CFAP299: variants seen among roughly 807,000 people sequenced by gnomAD.
CFAP299 encodes cilia and flagella associated protein 299, also known as cilia- and flagella-associated protein 299.
In CFAP299, 21 loss-of-function variants were observed where a neutral mutation model predicts 27.0. That is an observed-to-expected ratio of 0.78 (90% CI 0.55 to 1.12). CFAP299 has a LOEUF of 1.12. CFAP299 is among the 50% of genes most tolerant of loss of function. CFAP299 has a pLI of 0.00. For missense variants in CFAP299, 310 were observed against 276.6 expected, an observed-to-expected ratio of 1.12 and a Z score of -0.86; for synonymous variants, 104 against 98.1, an observed-to-expected ratio of 1.06 and a Z score of -0.36.
chr4:80,457,498 A>G (rs1353959945), intron 2 of CFAP299, among the ~76,000 whole-genome samples: 1 of 152,158 alleles, frequency 6.6e-6, no homozygotes, highest in East Asian at 1.9e-4. Context: ...TTCATCTGTG[A>G]CTTTTAGAAG....
intron 3 of CFAP299, among the ~76,000 whole-genome samples, chr4:80,730,246 CTCTGTG>C (rs1209346520): frequency 6.8e-4 from 92 of 134,838 alleles, no homozygotes; most frequent in African/African-American, 2.4e-3. Context: ...CTCTCTCTCT[CTCTGTG>C]TGTGTGTGTG....
At chr4:80,748,547 A>G (rs1382937586) in intron 3 of CFAP299, among the ~76,000 whole-genome samples, 1 of 152,090 alleles carries the variant, frequency 6.6e-6, no homozygotes, top group Non-Finnish European at 1.5e-5. Context: ...TATGTTTTTG[A>G]CACATAATAC....
At chr4:80,738,468 TTAACA>T (rs899832563) in intron 3 of CFAP299, among the ~76,000 whole-genome samples, 22 of 152,212 alleles carry the variant, frequency 1.4e-4, no homozygotes, top group African/African-American at 4.6e-4. Context: ...ACTGAACCCT[TTAACA>T]TTGTATAATG....
At chr4:80,487,228 C>G (rs1422118182) in intron 2 of CFAP299, among the ~76,000 whole-genome samples, 1 of 152,176 alleles carries the variant, frequency 6.6e-6, no homozygotes, top group African/African-American at 2.4e-5. Context: ...CCCCTTAAGT[C>G]TTTGAAATTG....
intron 2 of CFAP299, among the ~76,000 whole-genome samples, chr4:80,430,431 T>C (rs995192948): frequency 6.6e-6 from 1 of 152,244 alleles, no homozygotes; most frequent in Non-Finnish European, 1.5e-5. Context: ...GTTCTCAATT[T>C]CCTTTGCTGG....
intron 3 of CFAP299, among the ~76,000 whole-genome samples, chr4:80,776,175 T>C (rs1389006044): frequency 6.6e-6 from 1 of 152,124 alleles, no homozygotes; most frequent in Non-Finnish European, 1.5e-5. Context: ...GTACAGGTGA[T>C]TAAGAGCAGG....
intron 3 of CFAP299, among the ~76,000 whole-genome samples, chr4:80,855,273 A>G (rs932459691): frequency 6.6e-6 from 1 of 152,172 alleles, no homozygotes; most frequent in Non-Finnish European, 1.5e-5. Context: ...TCATTGATCT[A>G]TATTCATCAC....
intron 2 of CFAP299, among the ~76,000 whole-genome samples, chr4:80,383,963 A>G (rs888519714): frequency 1.1e-4 from 17 of 152,140 alleles, no homozygotes; most frequent in African/African-American, 3.6e-4. Context: ...CTGATGAGAC[A>G]TTCAATATAA....
intron 3 of CFAP299, among the ~76,000 whole-genome samples, chr4:80,848,459 T>C (rs1423815095): frequency 6.6e-6 from 1 of 152,138 alleles, no homozygotes; most frequent in African/African-American, 2.4e-5. Context: ...TTGTAGGCAA[T>C]TGTAACACAG....
At chr4:80,840,834 TAGA>T (rs1371533315) in intron 3 of CFAP299, among the ~76,000 whole-genome samples, 1 of 152,186 alleles carries the variant, frequency 6.6e-6, no homozygotes, top group Non-Finnish European at 1.5e-5. Context: ...TTTAGATTTT[TAGA>T]AGAACCATTC....
At chr4:80,711,500 G>A (rs1056569750) in intron 3 of CFAP299, among the ~76,000 whole-genome samples, 4 of 152,156 alleles carry the variant, frequency 2.6e-5, no homozygotes, top group Non-Finnish European at 4.4e-5. Context: ...AGTATGGGCT[G>A]GAACCTGGAC....
chr4:80,644,581 C>T (rs1247068201), intron 3 of CFAP299, among the ~76,000 whole-genome samples: 5 of 152,186 alleles, frequency 3.3e-5, no homozygotes, highest in African/African-American at 9.6e-5. Flanking sequence ...TTTCTATGTC[C>T]CTGTGGCATT....
chr4:80,866,851 T>C (rs150361342), intron 3 of CFAP299, among the ~76,000 whole-genome samples: 2 of 152,314 alleles, frequency 1.3e-5, no homozygotes, highest in East Asian at 1.9e-4. Flanking sequence ...AGGCTATATA[T>C]AGTAACATAA....
At chr4:80,615,269 C>T (rs941919020) in intron 3 of CFAP299, among the ~76,000 whole-genome samples, 11 of 152,036 alleles carry the variant, frequency 7.2e-5, no homozygotes, top group Admixed American at 1.3e-4. Context: ...ATTTAGAAAT[C>T]GCCGGCTATC....
chr4:80,330,530 C>T, the CFAP299 span, among the ~76,000 whole-genome samples: 1 of 152,104 alleles, frequency 6.6e-6, no homozygotes, highest in African/African-American at 2.4e-5. Context: ...GCACATGAGA[C>T]TCAGTCACAT....
At position 80,939,730 on chromosome 4, in the gene CFAP299, T is replaced by G. The variant is rs561419873; in HGVS notation, c.477-5080T>G. On this transcript the variant is annotated intron_variant, in intron 4 of 5. Coordinates refer to ENST00000358105, the MANE Select transcript of CFAP299 (RefSeq NM_152770.3). ...TCCTTGATTCTTCATATTTTTAAAG[T>G]TTTGTGTTGAAAGAAGCAGTCACAT... Among the ~76,000 whole-genome samples the G allele has an allele frequency of 1.3e-4, 20 of 152,278 alleles. No homozygotes were observed. The East Asian group carries it at 2.5e-3, about 19-fold the overall frequency.
At chr4:80,878,005 A>C (rs1007684750) in intron 4 of CFAP299, among the ~76,000 whole-genome samples, 3 of 152,162 alleles carry the variant, frequency 2.0e-5, no homozygotes, top group Non-Finnish European at 2.9e-5. Context: ...ATCCTCCTAC[A>C]TAACATCACC....
At chr4:80,397,999 C>G (rs1198740230) in intron 2 of CFAP299, among the ~76,000 whole-genome samples, 5 of 152,180 alleles carry the variant, frequency 3.3e-5, no homozygotes, top group African/African-American at 9.7e-5. Context: ...TCTCAGGATA[C>G]AAAATCAATG....
intron 3 of CFAP299, among the ~76,000 whole-genome samples, chr4:80,800,696 T>A (rs1434573384): frequency 1.7e-5 from 2 of 115,930 alleles, no homozygotes; most frequent in African/African-American, 6.9e-5. Flanking sequence ...TTATATATAT[T>A]TATATATGAG....
Sources: gnomAD v4.1 joint callset for allele counts (sites outside exome capture counted in the v4.1 genomes callset) on GRCh38, gnomAD v4.1.1 for gene constraint, MANE v1.5 for transcripts, NCBI Gene and HGNC (gene_info 2026-07-23, HGNC 2026-07-21) for gene names.